BAZ2B: variants seen among roughly 807,000 people sequenced by gnomAD.
BAZ2B encodes bromodomain adjacent to zinc finger domain 2B.
Under a neutral mutation model 246.0 loss-of-function variants are expected in BAZ2B, and 91 were observed. That is an observed-to-expected ratio of 0.37 (90% confidence interval 0.31 to 0.44). The LOEUF (loss-of-function observed/expected upper bound fraction) is 0.44. Ranked by LOEUF, BAZ2B falls within the 20% of genes least tolerant of loss-of-function variation. The pLI, the probability that BAZ2B is intolerant of heterozygous loss-of-function variation, is 1.00. For synonymous variants in BAZ2B, 855 were observed against 860.0 expected, an observed-to-expected ratio of 0.99 and a Z score of 0.10; for missense variants, 2,332 against 2,533.7, an observed-to-expected ratio of 0.92 and a Z score of 1.71.
intron 30 of BAZ2B, 129 bp from the exon 31 acceptor site, chr2:159,347,775 G>A (rs2149113382): frequency 1.4e-6 from 1 of 723,650 alleles, no homozygotes; most frequent in Non-Finnish European, 2.2e-6. Context: ...AAATGCACTT[G>A]TGTATGTACA....
intron 1 of BAZ2B, among the ~76,000 whole-genome samples, chr2:159,603,737 C>A (rs1170579061): frequency 6.6e-6 from 1 of 151,712 alleles, no homozygotes; most frequent in Non-Finnish European, 1.5e-5. Context: ...TAATCCAAAC[C>A]ACTCCACTGA....
chr2:159,648,467 A>T, the BAZ2B span, among the ~76,000 whole-genome samples: 1 of 151,020 alleles, frequency 6.6e-6, no homozygotes, highest in South Asian at 2.1e-4. Flanking sequence ...GCTTCCCCCC[A>T]CTCTTCCATG....
intron 2 of BAZ2B, among the ~76,000 whole-genome samples, chr2:159,485,966 G>A (rs1462735872): frequency 6.6e-6 from 1 of 152,064 alleles, no homozygotes; most frequent in African/African-American, 2.4e-5. Context: ...AATCTATTCA[G>A]AGAGTATCCC....
chr2:159,454,253 A>G (rs1165056778), intron 3 of BAZ2B, among the ~76,000 whole-genome samples: 1 of 152,158 alleles, frequency 6.6e-6, no homozygotes, highest in East Asian at 1.9e-4. Flanking sequence ...TATACACTCT[A>G]AGCAAGGCCA....
At position 159,320,221 on chromosome 2, in the gene BAZ2B, T is replaced by C. The variant is rs755172123; in HGVS notation, c.*44A>G. The C allele has an allele frequency of 8.9e-6, 13 of 1,460,990 alleles. No homozygotes were observed. The highest frequency in any genetic ancestry group is 1.2e-5 in the Non-Finnish European group (13 of 1,107,274). The allele number at this position is 1,460,990 out of a possible 1,614,324, so 90.5% of individuals were successfully genotyped here. On this transcript the variant is annotated 3_prime_UTR_variant, in exon 37 of 37. Coordinates refer to ENST00000392783, the MANE Select transcript of BAZ2B (RefSeq NM_013450.4). ...ATACAGTTCACATTGCTGGTCTCAT[T>C]TGTCCTTGTTTAGAAGGAAAAAAAT...
chr2:159,576,262 G>A (rs895997888), intron 1 of BAZ2B, among the ~76,000 whole-genome samples: 2 of 152,066 alleles, frequency 1.3e-5, no homozygotes, highest in African/African-American at 2.4e-5. Flanking sequence ...GAATTCTTGT[G>A]AGGATTACAC....
chr2:159,585,805 G>A (rs573913634), intron 1 of BAZ2B, among the ~76,000 whole-genome samples: 13 of 152,332 alleles, frequency 8.5e-5, no homozygotes, highest in Middle Eastern at 3.4e-3. Context: ...GCTAAATGGT[G>A]CCAGCCAGAC....
chr2:159,453,480 A>T, intron 4 of BAZ2B, 133 bp downstream of exon 4: 1 of 1,055,664 alleles, frequency 9.5e-7, no homozygotes, highest in Non-Finnish European at 1.3e-6. Context: ...AAATAGGATT[A>T]AGCCAATTCT....
intron 27 of BAZ2B, among the ~76,000 whole-genome samples, chr2:159,368,581 TCAG>T: frequency 6.6e-6 from 1 of 152,244 alleles, no homozygotes. Flanking sequence ...ATAAAAAACT[TCAG>T]AAGAAAATAA....
At chr2:159,598,590 C>T (rs1553745165) in intron 1 of BAZ2B, among the ~76,000 whole-genome samples, 1 of 151,770 alleles carries the variant, frequency 6.6e-6, no homozygotes, top group Non-Finnish European at 1.5e-5. Context: ...TGGCTCACAC[C>T]TGTAATCCCA....
At chr2:159,540,552 T>C (rs1040267298) in intron 2 of BAZ2B, among the ~76,000 whole-genome samples, 4 of 152,246 alleles carry the variant, frequency 2.6e-5, no homozygotes, top group Non-Finnish European at 5.9e-5. Flanking sequence ...CTGAGGATGA[T>C]GTTTTCTATT....
chr2:159,462,370 C>A, intron 3 of BAZ2B: 1 of 1,161,398 alleles, frequency 8.6e-7, no homozygotes, highest in South Asian at 1.3e-5. Context: ...TTTCCACATA[C>A]TGAAGAATCC....
chr2:159,489,446 T>C (rs948533395), intron 2 of BAZ2B, among the ~76,000 whole-genome samples: 1 of 152,180 alleles, frequency 6.6e-6, no homozygotes, highest in Non-Finnish European at 1.5e-5. Context: ...TGTCTGAGAT[T>C]CATGTCAACA....
chr2:159,529,287 T>C (rs1036708381), intron 2 of BAZ2B, among the ~76,000 whole-genome samples: 4 of 152,056 alleles, frequency 2.6e-5, no homozygotes, highest in Non-Finnish European at 5.9e-5. Flanking sequence ...AATGTGGGCT[T>C]TGGTTAAGCT....
At chr2:159,399,581 T>C (rs1252917132) in intron 17 of BAZ2B, among the ~76,000 whole-genome samples, 1 of 152,152 alleles carries the variant, frequency 6.6e-6, no homozygotes, top group Admixed American at 6.5e-5. Flanking sequence ...CTTAAAATCA[T>C]TAACTGTGTA....
At chr2:159,435,341 G>C (rs55900040) in intron 8 of BAZ2B, 19,609 of 148,636 alleles carry the variant, frequency 0.13, 1,548 homozygotes, top group South Asian at 0.22. Flanking sequence ...CACCATACCT[G>C]GCTAATGTTT....
chr2:159,453,571 C>T (rs762578880), intron 4 of BAZ2B, 42 bp downstream of exon 4: 8 of 1,527,642 alleles, frequency 5.2e-6, no homozygotes, highest in Non-Finnish European at 7.1e-6. Context: ...CATTCTCAAG[C>T]TTTCCTCCTT....
chr2:159,475,500 C>T (rs2078410218), intron 3 of BAZ2B, among the ~76,000 whole-genome samples: 1 of 152,162 alleles, frequency 6.6e-6, no homozygotes, highest in Non-Finnish European at 1.5e-5. Flanking sequence ...TTAGAACATG[C>T]TCCTTTAGCT....
At chr2:159,352,637 C>T (rs1458027659) in intron 27 of BAZ2B, among the ~76,000 whole-genome samples, 1 of 152,098 alleles carries the variant, frequency 6.6e-6, no homozygotes, top group Non-Finnish European at 1.5e-5. Context: ...AGGTGCACAC[C>T]ACCATGTCCA....
Sources: gnomAD v4.1 joint callset for allele counts (sites outside exome capture counted in the v4.1 genomes callset) on GRCh38, gnomAD v4.1.1 for gene constraint, MANE v1.5 for transcripts, NCBI Gene and HGNC (gene_info 2026-07-23, HGNC 2026-07-21) for gene names.